The following GRID2 variants were observed in gnomAD, a reference collection of about 807,000 sequenced individuals.
The protein encoded by GRID2 is glutamate ionotropic receptor delta type subunit 2, also known as glutamate receptor ionotropic, delta-2.
GRID2 carries 33 observed loss-of-function variants against 114.8 expected under a neutral mutation model. The ratio of observed to expected loss-of-function variants is 0.29; its 90% CI spans 0.22 to 0.38. The LOEUF (loss-of-function observed/expected upper bound fraction) is 0.38, where lower values mean the gene tolerates loss of function less well. GRID2 is among the 10% of genes least tolerant of loss of function. The pLI is 1.00. For synonymous variants in GRID2, 505 were observed against 449.9 expected (o/e 1.12, Z -1.55); for missense variants, 1,184 against 1,257.7 (o/e 0.94, Z 0.89).
At chr4:93,380,679 C>T (rs1324699203) in intron 8 of GRID2, among the ~76,000 whole-genome samples, 1 of 151,920 alleles carries the variant, frequency 6.6e-6, no homozygotes, top group Non-Finnish European at 1.5e-5. Context: ...CAACTTCTTA[C>T]TAATAGAAGC....
intron 4 of GRID2, chr4:93,164,769 TGTGA>T (rs1244842030): frequency 2.4e-6 from 1 of 420,346 alleles, no homozygotes; most frequent in Admixed American, 2.4e-5. Context: ...GAGGAAAGAA[TGTGA>T]GTGATTTTTG....
intron 14 of GRID2, among the ~76,000 whole-genome samples, chr4:93,655,678 C>A (rs1393202946): frequency 1.3e-5 from 2 of 152,032 alleles, no homozygotes; most frequent in African/African-American, 2.4e-5. Context: ...CTGTTTGAAT[C>A]TTTATAACAA....
intron 2 of GRID2, among the ~76,000 whole-genome samples, chr4:92,978,514 T>G (rs986917731): frequency 6.6e-6 from 1 of 152,130 alleles, no homozygotes; most frequent in African/African-American, 2.4e-5. Context: ...CTACTTTGTT[T>G]CTTTTCTCAG....
chr4:92,582,019 T>C (rs1159954678), intron 1 of GRID2, among the ~76,000 whole-genome samples: 1 of 151,786 alleles, frequency 6.6e-6, no homozygotes, highest in African/African-American at 2.4e-5. Context: ...TTATGGTGGG[T>C]GGAATGGAAG....
At chr4:93,682,166 A>G (rs1725623533) in intron 14 of GRID2, among the ~76,000 whole-genome samples, 1 of 151,406 alleles carries the variant, frequency 6.6e-6, no homozygotes, top group African/African-American at 2.4e-5. Context: ...TGCAGCCAAA[A>G]GACACATGAA....
chr4:93,595,723 A>C (rs925157587), intron 13 of GRID2, among the ~76,000 whole-genome samples: 2 of 152,302 alleles, frequency 1.3e-5, no homozygotes, highest in South Asian at 4.1e-4. Context: ...CTTCCTGGTA[A>C]TAATATTACC....
chr4:93,300,345 T>G (rs1186091389), intron 8 of GRID2, among the ~76,000 whole-genome samples: 1 of 152,190 alleles, frequency 6.6e-6, no homozygotes, highest in Non-Finnish European at 1.5e-5. Context: ...GCTGACCCCA[T>G]CAAGGGTCAA....
In GRID2 at chr4:93,744,503, G is replaced by C. The variant is rs563849021; in HGVS notation, c.2361-24707G>C. Among the ~76,000 whole-genome samples, 7 of 152,212 alleles carry C rather than the reference G, an allele frequency of 4.6e-5. No homozygotes were observed. The East Asian group carries it at 1.4e-3, about 29-fold the overall frequency. ...TATTGGAGGAAGTAACTGCAGATGT[G>C]GTGGAAATAGAAAGAGAAATAGAAT... On this transcript the variant is annotated intron_variant, in intron 14 of 15. Coordinates refer to ENST00000282020, the MANE Select transcript of GRID2 (RefSeq NM_001510.4).
At chr4:92,499,427 A>C (rs1399493985) in intron 1 of GRID2, among the ~76,000 whole-genome samples, 1 of 152,126 alleles carries the variant, frequency 6.6e-6, no homozygotes, top group Non-Finnish European at 1.5e-5. Context: ...ATTTGTTCCT[A>C]AGATTTATTC....
At chr4:93,135,117 T>A (rs1419393898) in intron 4 of GRID2, among the ~76,000 whole-genome samples, 2 of 152,216 alleles carry the variant, frequency 1.3e-5, no homozygotes, top group Non-Finnish European at 2.9e-5. Context: ...TCTTTTTGTA[T>A]TCACTTGACC....
chr4:92,437,480 G>A (rs1420984447), intron 1 of GRID2, among the ~76,000 whole-genome samples: 1 of 152,116 alleles, frequency 6.6e-6, no homozygotes, highest in Non-Finnish European at 1.5e-5. Flanking sequence ...TGTTCCCCAG[G>A]CTGGTCTCAA....
chr4:93,055,845 C>T (rs1420574157), intron 2 of GRID2, among the ~76,000 whole-genome samples: 3 of 151,890 alleles, frequency 2.0e-5, no homozygotes, highest in Non-Finnish European at 2.9e-5. Flanking sequence ...AAATTTCTTG[C>T]TACTATTTAG....
chr4:93,509,626 T>C lies in GRID2; in HGVS notation c.1998-5590T>C, dbSNP rs149909107. On this transcript the variant is annotated intron_variant, in intron 12 of 15. Coordinates refer to ENST00000282020, the MANE Select transcript of GRID2 (RefSeq NM_001510.4). ...CATTTTGGAGAAGTTTAAATAATTT[T>C]CCCAAAGATTGAAACACAAATATTT... Among the ~76,000 whole-genome samples the C allele has an allele frequency of 3.5e-3, 539 of 152,264 alleles. 2 individuals are homozygous for C. The highest frequency in any genetic ancestry group is 0.012 in the African/African-American group (517 of 41,552).
At chr4:93,719,167 A>G (rs931344681) in intron 14 of GRID2, among the ~76,000 whole-genome samples, 3 of 152,008 alleles carry the variant, frequency 2.0e-5, no homozygotes, top group Non-Finnish European at 2.9e-5. Context: ...TCAGATTAAC[A>G]TAAACACTTA....
chr4:92,564,204 G>GA (rs905127190), intron 1 of GRID2, among the ~76,000 whole-genome samples: 21 of 151,850 alleles, frequency 1.4e-4, no homozygotes, highest in Admixed American at 2.6e-4. Flanking sequence ...TCCATATGGG[G>GA]AAAAATAAAC....
intron 2 of GRID2, among the ~76,000 whole-genome samples, chr4:92,874,223 G>C (rs563957354): frequency 6.6e-6 from 1 of 152,066 alleles, no homozygotes; most frequent in Admixed American, 6.6e-5. Context: ...GACTGATTTC[G>C]TCTTGTTTTA....
At chr4:93,251,916 C>G (rs1040664424) in intron 8 of GRID2, among the ~76,000 whole-genome samples, 2 of 152,112 alleles carry the variant, frequency 1.3e-5, no homozygotes, top group African/African-American at 2.4e-5. Context: ...CATGTCCTTG[C>G]TATTGTGAAT....
chr4:92,501,865 A>G (rs1259996790), intron 1 of GRID2, among the ~76,000 whole-genome samples: 1 of 152,202 alleles, frequency 6.6e-6, no homozygotes, highest in African/African-American at 2.4e-5. Context: ...GAATATGACA[A>G]TAAAGACAAA....
intron 13 of GRID2, among the ~76,000 whole-genome samples, chr4:93,577,433 A>C (rs1401830395): frequency 6.6e-6 from 1 of 152,246 alleles, no homozygotes; most frequent in East Asian, 1.9e-4. Flanking sequence ...ACAAAAGAAG[A>C]AACAAGATGA....
Sources: gnomAD v4.1 joint callset for allele counts (sites outside exome capture counted in the v4.1 genomes callset) on GRCh38, gnomAD v4.1.1 for gene constraint, MANE v1.5 for transcripts, NCBI Gene and HGNC (gene_info 2026-07-23, HGNC 2026-07-21) for gene names.